Variants in AAMDC observed in about 807,000 individuals in gnomAD.
AAMDC encodes the protein adipogenesis associated Mth938 domain containing, also known as mth938 domain-containing protein.
A neutral mutation model predicts 15.5 loss-of-function variants in AAMDC; 16 were observed. The observed-to-expected ratio is 1.03, with a 90% CI of 0.70 to 1.57. AAMDC has a LOEUF of 1.57. Among genes scored for constraint, AAMDC ranks in the 40% most tolerant of loss-of-function variants. The probability of loss-of-function intolerance (pLI) is 0.00; values close to 1 mark genes in which losing one functional copy is unlikely to be tolerated. For synonymous variants in AAMDC, 51 were observed against 51.6 expected, an observed-to-expected ratio of 0.99 and a Z score of 0.05; for missense variants, 141 against 144.9, an observed-to-expected ratio of 0.97 and a Z score of 0.14.
chr11:77,891,659 C>T (rs373416187), intron 5 of AAMDC: 110 of 1,611,088 alleles, frequency 6.8e-5, no homozygotes, highest in East Asian at 1.3e-4. Flanking sequence ...ATTTGGCCTA[C>T]AGGGGCCAAA....
At chr11:77,886,026 C>A (rs1464028250) in intron 5 of AAMDC, among the ~76,000 whole-genome samples, 1 of 151,466 alleles carries the variant, frequency 6.6e-6, no homozygotes, top group African/African-American at 2.4e-5. Context: ...AAAAGTAAGA[C>A]CCCCCAATCT....
chr11:77,871,185 C>T (rs1383354754), intron 3 of AAMDC, among the ~76,000 whole-genome samples: 1 of 152,080 alleles, frequency 6.6e-6, no homozygotes, highest in East Asian at 1.9e-4. Context: ...TTATAAATCT[C>T]AAATATATAG....
intron 2 of AAMDC, among the ~76,000 whole-genome samples, chr11:77,849,122 G>C (rs545337360): frequency 1.3e-5 from 2 of 150,992 alleles, no homozygotes; most frequent in Non-Finnish European, 2.9e-5. Context: ...CTGTAGCCTT[G>C]ATCTCCCAGG....
At chr11:77,869,063 C>A in intron 2 of AAMDC, 2 of 317,836 alleles carry the variant, frequency 6.3e-6, no homozygotes, top group East Asian at 1.5e-4. Context: ...GTACCCATTC[C>A]CTTGATGTCT....
chr11:77,903,536 T>A (rs764849994), downstream of AAMDC: 3 of 1,613,464 alleles, frequency 1.9e-6, no homozygotes, highest in Non-Finnish European at 2.5e-6. Context: ...CTGAATAAGC[T>A]TACCTGTTTC....
intron 5 of AAMDC, among the ~76,000 whole-genome samples, chr11:77,892,110 T>C (rs1952298566): frequency 6.6e-6 from 1 of 152,236 alleles, no homozygotes; most frequent in South Asian, 2.1e-4. Context: ...ATCCTATGCA[T>C]CATTAGAATT....
At chr11:77,883,457 T>C (rs766909857) in intron 5 of AAMDC, among the ~76,000 whole-genome samples, 8 of 152,324 alleles carry the variant, frequency 5.3e-5, no homozygotes, top group Non-Finnish European at 1.2e-4. Context: ...TATTGTCATT[T>C]GGAAGATAAG....
At chr11:77,859,315 C>G (rs1292898824) in intron 2 of AAMDC, among the ~76,000 whole-genome samples, 1 of 152,196 alleles carries the variant, frequency 6.6e-6, no homozygotes, top group Non-Finnish European at 1.5e-5. Flanking sequence ...TAGTTCCCTT[C>G]TATTTCCCTT....
At chr11:77,871,597 C>T (rs1262222755) in intron 3 of AAMDC, among the ~76,000 whole-genome samples, 1 of 152,200 alleles carries the variant, frequency 6.6e-6, no homozygotes, top group African/African-American at 2.4e-5. Context: ...ATTTCATCCT[C>T]ACACCAACCC....
At chr11:77,854,898 C>T (rs796100407) in intron 2 of AAMDC, among the ~76,000 whole-genome samples, 2 of 152,350 alleles carry the variant, frequency 1.3e-5, no homozygotes, top group African/African-American at 4.8e-5. Flanking sequence ...TCTGCCTGGA[C>T]ATCAGGCATT....
At chr11:77,885,171 G>A (rs962069382) in intron 5 of AAMDC, among the ~76,000 whole-genome samples, 8 of 151,908 alleles carry the variant, frequency 5.3e-5, no homozygotes, top group Non-Finnish European at 1.0e-4. Flanking sequence ...TCCGCCTCCC[G>A]GGTTAAAGTG....
chr11:77,885,443 T>G (rs993937860), intron 5 of AAMDC, among the ~76,000 whole-genome samples: 1 of 151,778 alleles, frequency 6.6e-6, no homozygotes, highest in Non-Finnish European at 1.5e-5. Flanking sequence ...AAACCTACTA[T>G]AGGAAAAAAA....
At chr11:77,875,041 CA>C (rs397791397), downstream of AAMDC, among the ~76,000 whole-genome samples, 271 of 120,770 alleles carry the variant, frequency 2.2e-3, no homozygotes, top group Non-Finnish European at 2.3e-3. Flanking sequence ...GACTCCATCT[CA>C]AAAAAAAAAA....
intron 2 of AAMDC, among the ~76,000 whole-genome samples, chr11:77,864,483 T>A (rs970055386): frequency 6.6e-6 from 1 of 152,122 alleles, no homozygotes; most frequent in African/African-American, 2.4e-5. Flanking sequence ...TTATTCTTGA[T>A]TGAGAACCAG....
At chr11:77,865,389 C>T (rs1951065426) in intron 2 of AAMDC, among the ~76,000 whole-genome samples, 2 of 152,144 alleles carry the variant, frequency 1.3e-5, no homozygotes, top group Admixed American at 1.3e-4. Flanking sequence ...TTCTGTTGCT[C>T]TATCATCTCC....
intron 5 of AAMDC, among the ~76,000 whole-genome samples, chr11:77,887,856 C>T (rs1333895680): frequency 6.6e-6 from 1 of 152,148 alleles, no homozygotes; most frequent in Non-Finnish European, 1.5e-5. Flanking sequence ...CCTAGGAATC[C>T]AACTTACAAG....
At chr11:77,827,566 A>T (rs577027738) in intron 1 of AAMDC, among the ~76,000 whole-genome samples, 1 of 152,366 alleles carries the variant, frequency 6.6e-6, no homozygotes, top group Non-Finnish European at 1.5e-5. Context: ...AACTCATTTG[A>T]CAAAATTCAA....
At chr11:77,890,149 AAAAC>A (rs769302086) in intron 5 of AAMDC, among the ~76,000 whole-genome samples, 36 of 152,334 alleles carry the variant, frequency 2.4e-4, no homozygotes, top group East Asian at 1.2e-3. Context: ...AATGTGGAAA[AAAAC>A]AAACAAACAA....
Position 77,842,504 on chromosome 11 carries a change from C to A in AAMDC, c.8C>A (p.Ser3Tyr), listed in dbSNP as rs1949972823. 6.2e-7 allele frequency: 1 copy of A among 1,613,138 alleles called. No individual in the cohort carries two copies. The highest frequency in any genetic ancestry group is 8.5e-7 in the Non-Finnish European group (1 of 1,179,750). Residue 3 changes from serine (S) to tyrosine (Y), a missense_variant, in exon 2 of 4, where the codon TCC (serine) becomes TAC (tyrosine). By Grantham distance (144) the Ser-to-Tyr change is moderately radical. Transcript: ENST00000393427. MTSPEIASLSWGQ... is the reference protein window; with the variant it reads MTYPEIASLSWGQ... ...ACTTCAGTGAAGTTCCTTATGACTT[C>A]CCCTGAAATTGCTTCCTTATCATGG...
Sources: allele counts gnomAD v4.1 joint callset (sites outside exome capture counted in the v4.1 genomes callset), GRCh38; gene constraint gnomAD v4.1.1; transcripts MANE v1.5; gene names NCBI Gene and HGNC (gene_info 2026-07-23, HGNC 2026-07-21).